The following SPAG16 variants were observed in gnomAD, a reference collection of about 807,000 sequenced individuals.
SPAG16 encodes sperm associated antigen 16.
SPAG16 carries 86 observed loss-of-function variants against 80.4 expected under a neutral mutation model. The observed-to-expected ratio is 1.07, with a 90% CI of 0.90 to 1.28. The LOEUF is 1.28. Ranked by LOEUF, SPAG16 falls within the 50% of genes most tolerant of loss-of-function variation. The probability of loss-of-function intolerance (pLI) is 0.00; values close to 1 mark genes in which losing one functional copy is unlikely to be tolerated. For synonymous variants in SPAG16, 294 were observed against 265.9 expected, an observed-to-expected ratio of 1.11 and a Z score of -1.03; for missense variants, 870 against 765.3, an observed-to-expected ratio of 1.14 and a Z score of -1.61.
intron 3 of SPAG16, among the ~76,000 whole-genome samples, chr2:213,304,369 T>G (rs147771578): frequency 6.6e-6 from 1 of 152,290 alleles, no homozygotes; most frequent in African/African-American, 2.4e-5. Context: ...GTGCAAAACT[T>G]TTTAACTGAT....
At chr2:213,864,020 G>T (rs1368004881) in intron 11 of SPAG16, among the ~76,000 whole-genome samples, 4 of 151,878 alleles carry the variant, frequency 2.6e-5, no homozygotes, top group African/African-American at 9.7e-5. Flanking sequence ...GTTTTTAAAT[G>T]AGAGATATTG....
intron 10 of SPAG16, among the ~76,000 whole-genome samples, chr2:213,704,763 T>G (rs1382787565): frequency 1.3e-5 from 2 of 152,198 alleles, no homozygotes; most frequent in East Asian, 1.9e-4. Context: ...CTTTATCTTT[T>G]GGGCATTGAA....
At position 213,643,348 on chromosome 2, in the gene SPAG16, TTATATATA is replaced by T. The variant is rs61608932; in HGVS notation, c.1070+153314_1070+153321del. 5.7e-3 allele frequency among the ~76,000 whole-genome samples: 222 copies of T among 38,930 alleles called. 5 individuals are homozygous for T. The highest frequency in any genetic ancestry group is 6.5e-3 in the Non-Finnish European group (138 of 21,214). 25.5% of individuals were successfully genotyped at this position (38,930 alleles called of 152,430 possible). ...CTGCCAGATGTATTGGATCTTAATT[TTATATATA>T]TATATATATATATATATATATATAT... is the stretch of plus-strand genomic sequence containing the variant. On this transcript the variant is annotated intron_variant, in intron 10 of 15. Coordinates refer to ENST00000331683, the MANE Select transcript of SPAG16 (RefSeq NM_024532.5).
chr2:214,082,661 A>T (rs551295187), intron 13 of SPAG16, among the ~76,000 whole-genome samples: 1 of 152,306 alleles, frequency 6.6e-6, no homozygotes, highest in Admixed American at 6.5e-5. Context: ...GGAAAGCTTT[A>T]AAAAACTAGT....
chr2:214,036,737 G>C (rs2048717267), intron 13 of SPAG16, among the ~76,000 whole-genome samples: 1 of 152,090 alleles, frequency 6.6e-6, no homozygotes, highest in Non-Finnish European at 1.5e-5. Flanking sequence ...TACTAACCTA[G>C]ACATCTAAGA....
At chr2:213,388,567 A>AT (rs888662693) in intron 9 of SPAG16, among the ~76,000 whole-genome samples, 9 of 152,278 alleles carry the variant, frequency 5.9e-5, no homozygotes, top group South Asian at 4.2e-4. Context: ...ATAACAATAA[A>AT]TTTTTTTAAA....
At chr2:213,975,162 A>T (rs1290879262) in intron 12 of SPAG16, among the ~76,000 whole-genome samples, 1 of 151,138 alleles carries the variant, frequency 6.6e-6, no homozygotes, top group East Asian at 1.9e-4. Context: ...ATGTATTTGT[A>T]TATTAAACAG....
intron 10 of SPAG16, among the ~76,000 whole-genome samples, chr2:213,558,362 A>G (rs1278139909): frequency 2.0e-5 from 3 of 152,120 alleles, no homozygotes; most frequent in Admixed American, 6.6e-5. Flanking sequence ...TAAAGAGAAC[A>G]AGTTGGAAGC....
At chr2:213,442,296 T>G (rs1167600279) in intron 9 of SPAG16, among the ~76,000 whole-genome samples, 2 of 152,268 alleles carry the variant, frequency 1.3e-5, no homozygotes, top group Non-Finnish European at 2.9e-5. Flanking sequence ...TGGAGATTTA[T>G]TTCGTGTTCA....
intron 9 of SPAG16, among the ~76,000 whole-genome samples, chr2:213,466,236 CCCCTTTATATATACATCTAT>C (rs1265212330): frequency 6.6e-6 from 1 of 152,148 alleles, no homozygotes; most frequent in East Asian, 1.9e-4. Context: ...TTAATAAAGT[CCCCTTTATATATACATCTAT>C]CCTATTAGTT....
chr2:213,982,260 A>G (rs1451576359), intron 12 of SPAG16, among the ~76,000 whole-genome samples: 2 of 152,042 alleles, frequency 1.3e-5, no homozygotes, highest in Non-Finnish European at 2.9e-5. Flanking sequence ...ATTTGGATAC[A>G]TTTGTCTGAA....
chr2:214,134,295 T>C (rs1188652281), intron 14 of SPAG16, among the ~76,000 whole-genome samples: 1 of 152,174 alleles, frequency 6.6e-6, no homozygotes, highest in African/African-American at 2.4e-5. Context: ...TGAATCACTC[T>C]TCATTCTCAC....
At chr2:214,000,079 G>A (rs1442002511) in intron 12 of SPAG16, among the ~76,000 whole-genome samples, 2 of 152,184 alleles carry the variant, frequency 1.3e-5, no homozygotes, top group Non-Finnish European at 2.9e-5. Context: ...TGTTGGGAAG[G>A]CATAATTGGT....
At chr2:213,701,908 C>T (rs2065443565) in intron 10 of SPAG16, among the ~76,000 whole-genome samples, 1 of 151,996 alleles carries the variant, frequency 6.6e-6, no homozygotes, top group Non-Finnish European at 1.5e-5. Context: ...TTTGTAAATG[C>T]ACCAATCAGT....
intron 9 of SPAG16, among the ~76,000 whole-genome samples, chr2:213,487,589 G>T (rs550385942): frequency 6.6e-6 from 1 of 151,956 alleles, no homozygotes; most frequent in African/African-American, 2.4e-5. Context: ...GGGTTTTGCC[G>T]CTCTCGATGT....
chr2:213,354,632 G>A (rs1290045074), intron 7 of SPAG16, among the ~76,000 whole-genome samples: 1 of 152,190 alleles, frequency 6.6e-6, no homozygotes, highest in Non-Finnish European at 1.5e-5. Context: ...TTTCTCTGAT[G>A]ACCAATGATG....
intron 3 of SPAG16, among the ~76,000 whole-genome samples, chr2:213,304,519 T>G (rs1023220190): frequency 4.6e-5 from 7 of 152,128 alleles, no homozygotes; most frequent in Admixed American, 2.0e-4. Context: ...AGGGTGTAAA[T>G]TTAAGTCTTT....
chr2:213,869,250 T>C (rs1203091456), intron 11 of SPAG16, among the ~76,000 whole-genome samples: 1 of 88,218 alleles, frequency 1.1e-5, no homozygotes, highest in Non-Finnish European at 2.4e-5. Flanking sequence ...CTAAAGTCCA[T>C]GTCAAAAAAA....
intron 15 of SPAG16, among the ~76,000 whole-genome samples, chr2:214,320,667 C>A (rs930360754): frequency 6.6e-6 from 1 of 152,144 alleles, no homozygotes; most frequent in East Asian, 1.9e-4. Context: ...GCAAAGGGGG[C>A]AGGGCGCCTT....
Sources: gnomAD v4.1 joint callset for allele counts (sites outside exome capture counted in the v4.1 genomes callset) on GRCh38, gnomAD v4.1.1 for gene constraint, MANE v1.5 for transcripts, NCBI Gene and HGNC (gene_info 2026-07-23, HGNC 2026-07-21) for gene names.